The following CDH4 variants were observed in gnomAD, a reference collection of about 807,000 sequenced individuals.
The protein encoded by CDH4 is cadherin-4.
In CDH4, 33 loss-of-function variants were observed where a neutral mutation model predicts 86.0. That is an observed-to-expected ratio of 0.38 (90% CI 0.29 to 0.51). CDH4 has a LOEUF of 0.51. Ranked by LOEUF, CDH4 falls within the 20% of genes least tolerant of loss-of-function variation. CDH4 has a pLI of 0.86. For synonymous variants in CDH4, 555 were observed against 549.4 expected (o/e 1.01, Z -0.14); for missense variants, 1,114 against 1,307.4 (o/e 0.85, Z 2.28).
chr20:61,632,084 T>C (rs1227166782), intron 2 of CDH4, among the ~76,000 whole-genome samples: 1 of 152,240 alleles, frequency 6.6e-6, no homozygotes, highest in East Asian at 1.9e-4. Context: ...GGCACACACG[T>C]GTAGCCTCCT....
intron 2 of CDH4, among the ~76,000 whole-genome samples, chr20:61,350,574 A>G (rs1308004055): frequency 1.1e-5 from 1 of 89,336 alleles, no homozygotes; most frequent in African/African-American, 4.2e-5. Flanking sequence ...CAGGCCCCCC[A>G]CAGTGCTGCA....
At chr20:61,385,206 G>A (rs565616250) in intron 2 of CDH4, among the ~76,000 whole-genome samples, 2 of 152,292 alleles carry the variant, frequency 1.3e-5, no homozygotes, top group South Asian at 2.1e-4. Flanking sequence ...AAAGCCTCTG[G>A]AAGTGGCAGG....
intron 2 of CDH4, among the ~76,000 whole-genome samples, chr20:61,325,022 T>A (rs1032716630): frequency 6.6e-6 from 1 of 152,140 alleles, no homozygotes; most frequent in African/African-American, 2.4e-5. Flanking sequence ...AGCTGGGGGA[T>A]GCTGGGCGAG....
chr20:61,716,821 T>G (rs1007032236), intron 2 of CDH4, among the ~76,000 whole-genome samples: 8 of 152,126 alleles, frequency 5.3e-5, no homozygotes, highest in Non-Finnish European at 8.8e-5. Flanking sequence ...AGCAGGAGAA[T>G]TGCTCAAACC....
intron 2 of CDH4, among the ~76,000 whole-genome samples, chr20:61,315,099 A>T (rs1317599622): frequency 3.3e-5 from 5 of 152,148 alleles, no homozygotes; most frequent in Admixed American, 2.6e-4. Context: ...TGGAAGCTCC[A>T]TGCCAGACTC....
At chr20:61,901,019 G>A (rs1226979420) in intron 8 of CDH4, among the ~76,000 whole-genome samples, 1 of 152,252 alleles carries the variant, frequency 6.6e-6, no homozygotes, top group Non-Finnish European at 1.5e-5. Context: ...CAGATGAGCT[G>A]CTGACAGGAG....
At chr20:61,669,279 C>T (rs1234413024) in intron 2 of CDH4, among the ~76,000 whole-genome samples, 1 of 152,216 alleles carries the variant, frequency 6.6e-6, no homozygotes, top group South Asian at 2.1e-4. Context: ...AGCACCGGCA[C>T]CCCACACAGC....
chr20:61,413,659 G>A (rs751989798), intron 2 of CDH4, among the ~76,000 whole-genome samples: 10 of 152,158 alleles, frequency 6.6e-5, no homozygotes, highest in Non-Finnish European at 1.2e-4. Flanking sequence ...CGGTTGGATG[G>A]GCCTTGCACA....
At chr20:61,565,061 C>T (rs58380524) in intron 2 of CDH4, among the ~76,000 whole-genome samples, 69,080 of 126,546 alleles carry the variant, frequency 0.55, 18,992 homozygotes, top group African/African-American at 0.74. Flanking sequence ...TGGTGGTGCT[C>T]TTGGTGGTGG....
chr20:61,734,994 C>CGGCCCCTCCCTGT (rs1021399716), intron 2 of CDH4, among the ~76,000 whole-genome samples: 1 of 151,102 alleles, frequency 6.6e-6, no homozygotes, highest in African/African-American at 2.4e-5. Flanking sequence ...TGTTGCTCTG[C>CGGCCCCTCCCTGT]GGCCCCTCCC....
intron 2 of CDH4, among the ~76,000 whole-genome samples, chr20:61,458,279 G>T (rs950119359): frequency 7.2e-5 from 11 of 151,938 alleles, no homozygotes; most frequent in Non-Finnish European, 1.3e-4. Context: ...GATGCTGGTG[G>T]TGGTGGTGAT....
chr20:61,647,317 C>T (rs1255215628), intron 2 of CDH4, among the ~76,000 whole-genome samples: 1 of 152,176 alleles, frequency 6.6e-6, no homozygotes, highest in Non-Finnish European at 1.5e-5. Flanking sequence ...TGCCTGGAGG[C>T]ATCTCCCTCA....
At chr20:61,419,581 A>C (rs1003839056) in intron 2 of CDH4, among the ~76,000 whole-genome samples, 2 of 152,148 alleles carry the variant, frequency 1.3e-5, no homozygotes, top group African/African-American at 2.4e-5. Flanking sequence ...AGTTTCCACC[A>C]GGAAGGTTCT....
chr20:61,554,499 G>A (rs2086159102), intron 2 of CDH4, among the ~76,000 whole-genome samples: 1 of 152,232 alleles, frequency 6.6e-6, no homozygotes, highest in African/African-American at 2.4e-5. Context: ...AGTGAGTGCT[G>A]GGAGAGCCAT....
chr20:61,878,686 G>A (rs987983301), intron 7 of CDH4, among the ~76,000 whole-genome samples: 9 of 152,228 alleles, frequency 5.9e-5, no homozygotes, highest in African/African-American at 1.2e-4. Flanking sequence ...TCTCAAAGTC[G>A]TAGGTGACCT....
chr20:61,864,228 G>A (rs1271532769), intron 6 of CDH4, among the ~76,000 whole-genome samples: 1 of 152,214 alleles, frequency 6.6e-6, no homozygotes. Context: ...AGGGCTGCTG[G>A]CGTTGAGCCC....
chr20:61,375,613 G>A (rs915592586), intron 2 of CDH4, among the ~76,000 whole-genome samples: 1 of 133,844 alleles, frequency 7.5e-6, no homozygotes, highest in Non-Finnish European at 1.6e-5. Context: ...AGCACTGGTG[G>A]TGATGGTATG....
At chr20:61,389,090 G>A (rs2084967075) in intron 2 of CDH4, among the ~76,000 whole-genome samples, 1 of 152,174 alleles carries the variant, frequency 6.6e-6, no homozygotes, top group Non-Finnish European at 1.5e-5. Flanking sequence ...GTTTGTTTTT[G>A]TTTTCTGAGA....
At chr20:61,464,840 C>T (rs1299453839) in intron 2 of CDH4, among the ~76,000 whole-genome samples, 2 of 152,208 alleles carry the variant, frequency 1.3e-5, no homozygotes, top group African/African-American at 2.4e-5. Context: ...GGACTTGGAG[C>T]TGTTACCAAA....
Sources: allele counts gnomAD v4.1 joint callset (sites outside exome capture counted in the v4.1 genomes callset), GRCh38; gene constraint gnomAD v4.1.1; transcripts MANE v1.5; gene names NCBI Gene and HGNC (gene_info 2026-07-23, HGNC 2026-07-21).